Variants in PCDHGA11 observed in about 807,000 individuals in gnomAD.
The protein encoded by PCDHGA11 is protocadherin gamma-A11.
In PCDHGA11, 39 loss-of-function variants were observed where a neutral mutation model predicts 60.4. That is an observed-to-expected ratio of 0.65 (90% confidence interval 0.50 to 0.84). PCDHGA11 has a LOEUF of 0.84. Among genes scored for constraint, PCDHGA11 ranks in the 40% least tolerant of loss-of-function variants. The probability of loss-of-function intolerance (pLI) is 0.00; values close to 1 mark genes in which losing one functional copy is unlikely to be tolerated. For missense variants in PCDHGA11, 1,165 were observed against 1,197.7 expected, an observed-to-expected ratio of 0.97 and a Z score of 0.40; for synonymous variants, 533 against 510.3, an observed-to-expected ratio of 1.04 and a Z score of -0.60.
intron 1 of PCDHGA11, among the ~76,000 whole-genome samples, chr5:141,465,347 G>A (rs2099101721): frequency 6.6e-6 from 1 of 151,938 alleles, no homozygotes; most frequent in South Asian, 2.1e-4. Context: ...GGTTACTGAA[G>A]AAAAAATGGG....
Position 141,511,229 on chromosome 5 carries a change from T to G in PCDHGA11, c.*56T>G. 6.3e-7 allele frequency: 1 copy of G among 1,598,500 alleles called. No homozygotes were observed. Among genetic ancestry groups the G allele is most frequent in the Non-Finnish European group, 8.5e-7 (1 of 1,172,476 alleles). On this transcript the variant is annotated 3_prime_UTR_variant, in exon 4 of 4. Transcript: ENST00000398587. ...GCCTCTCCCCAACCAGCCCAGCTTC[T>G]CCTTACCTGCACCCAGGCCTCAGAG...
intron 1 of PCDHGA11, among the ~76,000 whole-genome samples, chr5:141,443,592 G>A (rs2098395439): frequency 6.6e-6 from 1 of 152,076 alleles, no homozygotes; most frequent in Admixed American, 6.6e-5. Context: ...AACAGAATGT[G>A]GTATATGAAA....
chr5:141,485,930 G>A lies in PCDHGA11; in HGVS notation c.2434-8877G>A. ...ATCCAGCTACAGGATTAGTGTGTTG[G>A]AGAGCGCACCAGCGGGCATGGTGCT... On this transcript the variant is annotated intron_variant, in intron 1 of 3. Transcript: ENST00000398587. This position sits in a 1 kb window ranked among gnomAD's most constrained non-coding sequence, Gnocchi z 5.7. The A allele has an allele frequency of 6.2e-7, 1 of 1,614,178 alleles. No homozygotes were observed. Among genetic ancestry groups the A allele is most frequent in the Non-Finnish European group, 8.5e-7 (1 of 1,180,042 alleles).
Position 141,491,737 on chromosome 5 carries a change from G to C in PCDHGA11, c.2434-3070G>C, listed in dbSNP as rs548808722. 1.2e-6 allele frequency: 2 copies of C among 1,600,586 alleles called. No homozygotes were observed. The highest frequency in any genetic ancestry group is 2.7e-5 in the African/African-American group (2 of 74,486). On this transcript the variant is annotated intron_variant, in intron 1 of 3. Transcript: ENST00000398587. The surrounding 1 kb of genome is among the most constrained non-coding windows in gnomAD (Gnocchi z 6.9). ...GGCGCCGCCCCGGGCGACCCCTGGG[G>C]GCGGCACTGGAGAAGCCGCCCGTCC...
chr5:141,434,564 A>C (rs2097703207), intron 1 of PCDHGA11, among the ~76,000 whole-genome samples: 1 of 152,228 alleles, frequency 6.6e-6, no homozygotes, highest in Admixed American at 6.5e-5. Context: ...CCTTAAGGAC[A>C]TGCCCCTGCT....
chr5:141,423,317 C>T lies in PCDHGA11; in HGVS notation c.2090C>T (p.Ala697Val). ...TSDLSLYLVV[A>V]VAAVSCIFLV... is the part of the protein sequence containing the mutation. ...GACCTCTCGCTGTACTTGGTGGTGG[C>T]GGTGGCCGCAGTCTCCTGCATCTTC... The change falls in exon 1 of 4, where the codon GCG becomes GTG. Residue 697 changes from alanine to valine, a missense_variant. By Grantham distance (64) the Ala-to-Val change is moderately conservative. Coordinates refer to ENST00000398587, the MANE Select transcript of PCDHGA11 (RefSeq NM_018914.3). The T allele has an allele frequency of 2.5e-6, 4 of 1,614,118 alleles. No homozygotes were observed. Among genetic ancestry groups the T allele is most frequent in the Non-Finnish European group, 3.4e-6 (4 of 1,179,998 alleles).
In PCDHGA11 at chr5:141,421,267, C is replaced by T; in HGVS notation, c.40C>T (p.Leu14=). ...RLQRGDRSRL[L]LLLCIFLGTL... ...ACAGCGCGGGGACCGCAGTCGGCTG[C>T]TGCTGCTGCTGTGCATTTTCCTGGG... Residue 14 remains leucine (L), a synonymous_variant, in exon 1 of 4, where the codon CTG becomes TTG. Transcript: ENST00000398587. 1 of 1,611,374 alleles carries T rather than the reference C, an allele frequency of 6.2e-7. No individual in the cohort carries two copies. The highest frequency in any genetic ancestry group is 8.5e-7 in the Non-Finnish European group (1 of 1,179,226).
At chr5:141,472,805 G>C (rs2099297767) in intron 1 of PCDHGA11, among the ~76,000 whole-genome samples, 1 of 151,688 alleles carries the variant, frequency 6.6e-6, no homozygotes, top group African/African-American at 2.4e-5. Context: ...GACCAACATG[G>C]AGAAACCCCC....
chr5:141,440,980 C>T (rs972732898), intron 1 of PCDHGA11: 1 of 152,242 alleles, frequency 6.6e-6, no homozygotes. Context: ...GCTTCACAAC[C>T]CAGAGTACCC....
At chr5:141,466,654 C>A (rs985749176) in intron 1 of PCDHGA11, among the ~76,000 whole-genome samples, 12 of 152,178 alleles carry the variant, frequency 7.9e-5, no homozygotes, top group African/African-American at 2.9e-4. Flanking sequence ...TTTCACAAAA[C>A]ATCAGTGATT....
chr5:141,510,223 G>C (rs944276162), intron 3 of PCDHGA11, among the ~76,000 whole-genome samples: 1 of 151,302 alleles, frequency 6.6e-6, no homozygotes, highest in African/African-American at 2.4e-5. Context: ...CAGTGAGCCG[G>C]GATCGCGCCA....
chr5:141,505,676 C>A (rs1308943385), intron 3 of PCDHGA11, among the ~76,000 whole-genome samples, 195 bp downstream of exon 3: 1 of 152,060 alleles, frequency 6.6e-6, no homozygotes, highest in South Asian at 2.1e-4. Context: ...GGTTGGGGGT[C>A]CTGGGATGCC....
Position 141,511,908 on chromosome 5 carries a change from A to T in PCDHGA11, c.*735A>T, listed in dbSNP as rs528200582. The T allele has an allele frequency of 4.5e-5, 7 of 156,536 alleles. No homozygotes were observed. The highest frequency in any genetic ancestry group is 1.9e-4 in the East Asian group (1 of 5,250). The allele number at this position is 156,536 out of a possible 1,614,324, so 9.7% of individuals were successfully genotyped here. A position where few individuals can be genotyped will look rare whatever the true frequency, so the allele number is the denominator to read the frequency against. On this transcript the variant is annotated 3_prime_UTR_variant, in exon 4 of 4. Transcript: ENST00000398587. ...GACTTCCCCCACCTCCTCCTCAAAC[A>T]AGAGACTCCACTGCATGTTCCAAGA...
In PCDHGA11 at chr5:141,485,031, C is replaced by A; in HGVS notation, c.2434-9776C>A. On this transcript the variant is annotated intron_variant, in intron 1 of 3. Coordinates refer to ENST00000398587, the MANE Select transcript of PCDHGA11 (RefSeq NM_018914.3). The surrounding 1 kb of genome is among the most constrained non-coding windows in gnomAD (Gnocchi z 5.7). Reference sequence around the variant, plus strand: ...TACCCCGCCACCAGCAAAAACGGCGCGTAACCCTTGCGGCGCCGGCCGAAC... The same window carrying A: ...TACCCCGCCACCAGCAAAAACGGCGAGTAACCCTTGCGGCGCCGGCCGAAC... The A allele has an allele frequency of 1.5e-6, 1 of 680,514 alleles. No homozygotes were observed. Among genetic ancestry groups the A allele is most frequent in the South Asian group, 1.8e-5 (1 of 54,868 alleles). 42.2% of individuals were successfully genotyped at this position (680,514 alleles called of 1,614,324 possible). A position where few individuals can be genotyped will look rare whatever the true frequency, so the allele number is the denominator to read the frequency against.
At position 141,502,487 on chromosome 5, in the gene PCDHGA11, C is replaced by T. The variant is rs563658817; in HGVS notation, c.2493-2906C>T. ...TACTTCCCGCAGCATCACACTGGGACTCATCTAACGTCGGCCTGTCCCACT... is the reference window on the plus strand; with the variant it reads ...TACTTCCCGCAGCATCACACTGGGATTCATCTAACGTCGGCCTGTCCCACT... On this transcript the variant is annotated intron_variant, in intron 2 of 3. Coordinates refer to ENST00000398587, the MANE Select transcript of PCDHGA11 (RefSeq NM_018914.3). Among the ~76,000 whole-genome samples, 92 of 152,298 alleles carry T rather than the reference C, an allele frequency of 6.0e-4. 3 individuals are homozygous for T. The highest frequency in any genetic ancestry group is 1.5e-4 in the Non-Finnish European group (10 of 68,030).
chr5:141,423,805 G>GT (rs1384575574), intron 1 of PCDHGA11, 145 bp downstream of exon 1: 44 of 1,261,806 alleles, frequency 3.5e-5, no homozygotes, highest in South Asian at 8.9e-5. Context: ...AGCAATACAT[G>GT]TGAGTTTTAC....
chr5:141,433,079 A>C, intron 1 of PCDHGA11: 1 of 1,614,208 alleles, frequency 6.2e-7, no homozygotes, highest in South Asian at 1.1e-5. Flanking sequence ...CCCCCAGCCC[A>C]ACTATGCAGA....
intron 1 of PCDHGA11, chr5:141,478,670 C>G: frequency 6.4e-7 from 1 of 1,551,664 alleles, no homozygotes; most frequent in East Asian, 2.4e-5. Flanking sequence ...TTCACACTTT[C>G]AACTGGCCCT....
At position 141,478,736 on chromosome 5, in the gene PCDHGA11, T is replaced by G; in HGVS notation, c.2434-16071T>G. On this transcript the variant is annotated intron_variant, in intron 1 of 3. Coordinates refer to ENST00000398587, the MANE Select transcript of PCDHGA11 (RefSeq NM_018914.3). Reference sequence around the variant, plus strand: ...TGGTGGCCTGCCAGAGTGTGGTTTGTGGTCCCATTTCAGGGGGAAGATACT... The same window carrying G: ...TGGTGGCCTGCCAGAGTGTGGTTTGGGGTCCCATTTCAGGGGGAAGATACT... 5 of 1,534,796 alleles carry G rather than the reference T, an allele frequency of 3.3e-6. No homozygotes were observed. In the South Asian group the frequency reaches 6.2e-5, roughly 19 times the overall value.
Sources: gnomAD v4.1 joint callset for allele counts (sites outside exome capture counted in the v4.1 genomes callset) on GRCh38, gnomAD v4.1.1 for gene constraint, Gnocchi (gnomAD v3.1) non-coding constraint, MANE v1.5 for transcripts, NCBI Gene and HGNC (gene_info 2026-07-23, HGNC 2026-07-21) for gene names.